Variants in YPEL1 observed in about 807,000 individuals in gnomAD.
YPEL1 encodes protein yippee-like 1.
In YPEL1, 7 loss-of-function variants were observed where a neutral mutation model predicts 17.3. That is an observed-to-expected ratio of 0.40 (90% CI 0.23 to 0.76). YPEL1 has a LOEUF of 0.76. Among genes scored for constraint, YPEL1 ranks in the 30% least tolerant of loss-of-function variants. YPEL1 has a pLI of 0.35. For synonymous variants in YPEL1, 59 were observed against 59.6 expected, an observed-to-expected ratio of 0.99 and a Z score of 0.05; for missense variants, 91 against 155.5, an observed-to-expected ratio of 0.59 and a Z score of 2.21.
chr22:21,703,936 G>C lies in YPEL1; in HGVS notation c.118-54C>G. 3 of 1,553,352 alleles carry C rather than the reference G, an allele frequency of 1.9e-6. No individual in the cohort carries two copies. Among genetic ancestry groups the C allele is most frequent in the Non-Finnish European group, 2.6e-6 (3 of 1,146,938 alleles). On this transcript the variant is annotated intron_variant, in intron 2 of 4. Transcript: ENST00000339468. The surrounding 1 kb of genome is among the most constrained non-coding windows in gnomAD (Gnocchi z 6.1). ...CTGCGAGTGCTTTCTGGAACGAAGC[G>C]GTGCTGCCCAGAACCAGGGGAGTCC...
intron 1 of YPEL1, among the ~76,000 whole-genome samples, chr22:21,726,598 T>C (rs2068338136): frequency 1.3e-5 from 2 of 152,162 alleles, no homozygotes; most frequent in Non-Finnish European, 2.9e-5. Context: ...GAGGAAGCGG[T>C]GCGTCCCCAT....
chr22:21,703,945 C>T lies in YPEL1; in HGVS notation c.118-63G>A. ...CTTTCTGGAACGAAGCGGTGCTGCCCAGAACCAGGGGAGTCCAGCCCCGCG... is the reference window on the plus strand; with the variant it reads ...CTTTCTGGAACGAAGCGGTGCTGCCTAGAACCAGGGGAGTCCAGCCCCGCG... On this transcript the variant is annotated intron_variant, in intron 2 of 4. Transcript: ENST00000339468. The surrounding 1 kb of genome is among the most constrained non-coding windows in gnomAD (Gnocchi z 6.1). The T allele has an allele frequency of 6.5e-7, 1 of 1,546,082 alleles. No individual in the cohort carries two copies. Among genetic ancestry groups the T allele is most frequent in the East Asian group, 2.4e-5 (1 of 41,026 alleles).
intron 1 of YPEL1, among the ~76,000 whole-genome samples, chr22:21,724,723 G>C (rs985889615): frequency 6.6e-6 from 1 of 151,086 alleles, no homozygotes; most frequent in African/African-American, 2.4e-5. Flanking sequence ...TGGGATGACA[G>C]GTGTGCGCCA....
At position 21,724,397 on chromosome 22, in the gene YPEL1, C is replaced by T. The variant is rs976986223; in HGVS notation, c.-165+11218G>A. On this transcript the variant is annotated intron_variant, in intron 1 of 4. Coordinates refer to ENST00000339468, the MANE Select transcript of YPEL1 (RefSeq NM_013313.5). ...ACTAAAAATACTAAAATTAGCCATGCGTGGTGGCGGGCACCTGCAATCCCA... is the reference window on the plus strand; with the variant it reads ...ACTAAAAATACTAAAATTAGCCATGTGTGGTGGCGGGCACCTGCAATCCCA... 4.6e-5 allele frequency among the ~76,000 whole-genome samples: 7 copies of T among 151,922 alleles called. No homozygotes were observed. In the South Asian group the frequency reaches 6.2e-4, roughly 14 times the overall value.
At chr22:21,715,846 C>G (rs2068218673) in intron 1 of YPEL1, among the ~76,000 whole-genome samples, 1 of 150,542 alleles carries the variant, frequency 6.6e-6, no homozygotes, top group Admixed American at 6.6e-5. Context: ...TCACCACAAC[C>G]TCCACCTCCC....
chr22:21,722,575 C>G (rs560395756), intron 1 of YPEL1, among the ~76,000 whole-genome samples: 1 of 151,952 alleles, frequency 6.6e-6, no homozygotes, highest in Non-Finnish European at 1.5e-5. Flanking sequence ...CGACATCGTG[C>G]CACTGCATTC....
intron 1 of YPEL1, among the ~76,000 whole-genome samples, chr22:21,714,131 C>A (rs901950895): frequency 6.6e-6 from 1 of 152,174 alleles, no homozygotes; most frequent in Non-Finnish European, 1.5e-5. Flanking sequence ...CGTCTGCCCC[C>A]CACCTGCGCA....
At chr22:21,702,627 AAC>A (rs1416283145) in intron 4 of YPEL1, among the ~76,000 whole-genome samples, 74 of 151,736 alleles carry the variant, frequency 4.9e-4, no homozygotes, top group Admixed American at 1.3e-3. Context: ...CAAACAAAAC[AAC>A]AACAACAACA....
intron 4 of YPEL1, among the ~76,000 whole-genome samples, chr22:21,701,971 A>C (rs1834428085): frequency 6.6e-6 from 1 of 152,214 alleles, no homozygotes; most frequent in Non-Finnish European, 1.5e-5. Flanking sequence ...GGACTGCTTC[A>C]GCCCAGAAGG....
At chr22:21,726,806 A>G (rs2068340242) in intron 1 of YPEL1, among the ~76,000 whole-genome samples, 1 of 152,122 alleles carries the variant, frequency 6.6e-6, no homozygotes, top group Non-Finnish European at 1.5e-5. Flanking sequence ...AGGCAGACAG[A>G]TGCAGCGACA....
chr22:21,706,152 T>TG (rs1185640418), intron 2 of YPEL1, among the ~76,000 whole-genome samples: 1 of 146,722 alleles, frequency 6.8e-6, no homozygotes, highest in Non-Finnish European at 1.5e-5. Context: ...TAAGAAAGGC[T>TG]GGGCGCGGTG....
chr22:21,712,854 G>T (rs1349324695), intron 1 of YPEL1, among the ~76,000 whole-genome samples: 1 of 151,108 alleles, frequency 6.6e-6, no homozygotes, highest in Admixed American at 6.6e-5. Context: ...AATGGACAAA[G>T]GACCTATATA....
Position 21,701,017 on chromosome 22 carries a change from G to T in YPEL1, c.*112C>A. The T allele has an allele frequency of 1.1e-6, 1 of 899,772 alleles. No individual in the cohort carries two copies. The highest frequency in any genetic ancestry group is 1.8e-6 in the Non-Finnish European group (1 of 565,414). The allele number at this position is 899,772 out of a possible 1,614,324, so 55.7% of individuals were successfully genotyped here. A position where few individuals can be genotyped will look rare whatever the true frequency, so the allele number is the denominator to read the frequency against. On this transcript the variant is annotated 3_prime_UTR_variant, in exon 5 of 5. Coordinates refer to ENST00000339468, the MANE Select transcript of YPEL1 (RefSeq NM_013313.5). ...GAGTGTCAAGAGCTATGCGCAGCTA[G>T]CCTTTGAGGTCAGAGGGCAAGAAAG...
intron 1 of YPEL1, among the ~76,000 whole-genome samples, chr22:21,716,893 C>T (rs1016245475): frequency 1.3e-5 from 2 of 151,996 alleles, no homozygotes; most frequent in African/African-American, 2.4e-5. Context: ...CGGAGGGAAC[C>T]GATGAGCTTG....
intron 1 of YPEL1, among the ~76,000 whole-genome samples, chr22:21,730,995 A>G (rs370122586): frequency 1.3e-5 from 2 of 152,240 alleles, no homozygotes; most frequent in African/African-American, 2.4e-5. Flanking sequence ...AAGAACCTGT[A>G]CTACATTTTT....
At chr22:21,713,998 C>A (rs1196924249) in intron 1 of YPEL1, among the ~76,000 whole-genome samples, 1 of 152,180 alleles carries the variant, frequency 6.6e-6, no homozygotes, top group Non-Finnish European at 1.5e-5. Flanking sequence ...AAGAGCCAAG[C>A]GCCAGCAGTG....
Position 21,727,476 on chromosome 22 carries a change from G to A in YPEL1, c.-165+8139C>T, listed in dbSNP as rs915060324. ...ACTCTCGGACACTGTGTGTCCCCACGTTTGGAGGGCAGCTGCCATCCATCC... is the reference window on the plus strand; with the variant it reads ...ACTCTCGGACACTGTGTGTCCCCACATTTGGAGGGCAGCTGCCATCCATCC... On this transcript the variant is annotated intron_variant, in intron 1 of 4. Coordinates refer to ENST00000339468, the MANE Select transcript of YPEL1 (RefSeq NM_013313.5). Among the ~76,000 whole-genome samples the A allele has an allele frequency of 2.0e-5, 3 of 152,168 alleles. No homozygotes were observed. In the East Asian group the frequency reaches 5.8e-4, roughly 29 times the overall value.
At chr22:21,707,743 A>T (rs189076846) in intron 2 of YPEL1, among the ~76,000 whole-genome samples, 1 of 152,352 alleles carries the variant, frequency 6.6e-6, no homozygotes, top group African/African-American at 2.4e-5. Context: ...AGACAAGAGC[A>T]GCTCTGTGAT....
intron 1 of YPEL1, among the ~76,000 whole-genome samples, chr22:21,730,176 G>C (rs1354243576): frequency 6.6e-6 from 1 of 151,668 alleles, no homozygotes; most frequent in Admixed American, 6.6e-5. Context: ...CAACAACAAA[G>C]TTTAACCAAA....
Sources: gnomAD v4.1 joint callset for allele counts (sites outside exome capture counted in the v4.1 genomes callset) on GRCh38, gnomAD v4.1.1 for gene constraint, Gnocchi (gnomAD v3.1) non-coding constraint, MANE v1.5 for transcripts, NCBI Gene and HGNC (gene_info 2026-07-23, HGNC 2026-07-21) for gene names.